NT5DC3: variants seen among roughly 807,000 people sequenced by gnomAD.
NT5DC3 encodes the protein 5'-nucleotidase domain containing 3.
Under a neutral mutation model 67.8 loss-of-function variants are expected in NT5DC3, and 42 were observed. The observed-to-expected ratio is 0.62, with a 90% confidence interval of 0.48 to 0.80. The LOEUF (loss-of-function observed/expected upper bound fraction) is 0.80. Among genes scored for constraint, NT5DC3 ranks in the 30% least tolerant of loss-of-function variants. NT5DC3 has a pLI of 0.00. For missense variants in NT5DC3, 570 were observed against 696.4 expected (o/e 0.82, Z 2.04); for synonymous variants, 237 against 255.6 (o/e 0.93, Z 0.69).
chr12:103,763,601 C>T, the NT5DC3 span: 5 of 1,613,518 alleles, frequency 3.1e-6, no homozygotes, highest in South Asian at 1.1e-5. Flanking sequence ...TCCTACGACC[C>T]CTTCACGGTG....
chr12:103,765,511 A>G (rs1884876747), downstream of NT5DC3, among the ~76,000 whole-genome samples: 1 of 152,220 alleles, frequency 6.6e-6, no homozygotes, highest in South Asian at 2.1e-4. Context: ...TAATTGACAA[A>G]GCCTGGGTGC....
intron 1 of NT5DC3, among the ~76,000 whole-genome samples, chr12:103,824,960 G>A (rs11111801): frequency 0.18 from 27,720 of 152,064 alleles, 2,728 homozygotes; most frequent in Non-Finnish European, 0.22. Flanking sequence ...GTGCCAGACA[G>A]TGCACAGGGC....
At chr12:103,831,628 T>C (rs1387510477) in intron 1 of NT5DC3, among the ~76,000 whole-genome samples, 1 of 152,100 alleles carries the variant, frequency 6.6e-6, no homozygotes, top group Non-Finnish European at 1.5e-5. Context: ...CACCAGGTTT[T>C]ATAGGAGAGT....
intron 9 of NT5DC3, among the ~76,000 whole-genome samples, chr12:103,792,095 T>C (rs1004995929): frequency 5.9e-5 from 9 of 152,214 alleles, no homozygotes; most frequent in African/African-American, 1.9e-4. Flanking sequence ...AGCCCCATCA[T>C]GGGACGGTTT....
Position 103,778,009 on chromosome 12 carries a change from G to A in NT5DC3, c.1467C>T (p.Phe489=). The change falls in exon 14 of 14, where the codon TTC becomes TTT. Residue 489 remains phenylalanine (F), a synonymous_variant. Coordinates refer to ENST00000392876, the MANE Select transcript of NT5DC3 (RefSeq NM_001031701.3). ...CAGCGAAGCGCGACAGGCGCCTTAG[G>A]AAGTAGGTTGGGTTCTGGTCTGTGC... The part of the protein sequence containing the change: ...LFRTDQNPTY[F]LRRLSRFADI... 6.2e-7 allele frequency: 1 copy of A among 1,614,260 alleles called. No homozygotes were observed. The highest frequency in any genetic ancestry group is 1.3e-5 in the African/African-American group (1 of 75,074).
intron 1 of NT5DC3, among the ~76,000 whole-genome samples, chr12:103,840,423 T>C (rs7958255): frequency 2.5e-3 from 155 of 62,250 alleles, no homozygotes; most frequent in South Asian, 3.2e-3. Context: ...CTCATCTCAT[T>C]CCATCCCATT....
rs3036176 is a variant in NT5DC3 at position 103,786,681 on chromosome 12, A to ATTTTTTTTTTTTTTTTTTTT, written c.1188+759_1188+760insAAAAAAAAAAAAAAAAAAAA. Among the ~76,000 whole-genome samples, 3 of 132,366 alleles carry ATTTTTTTTTTTTTTTTTTTT rather than the reference A, an allele frequency of 2.3e-5. 1 individual carries two copies. The highest frequency in any genetic ancestry group is 3.2e-5 in the Non-Finnish European group (2 of 63,134). 86.8% of individuals were successfully genotyped at this position (132,366 alleles called of 152,430 possible). On this transcript the variant is annotated intron_variant, in intron 11 of 13. Transcript: ENST00000392876. The stretch of plus-strand genomic sequence containing the variant: ...GATGCCCACCTTCCTCACTGGTTTG[A>ATTTTTTTTTTTTTTTTTTTT]TTTTTTTTTTTTTTTTTTTGAGGCA...
At chr12:103,818,829 C>T (rs114768473) in intron 1 of NT5DC3, among the ~76,000 whole-genome samples, 169 of 152,228 alleles carry the variant, frequency 1.1e-3, no homozygotes, top group African/African-American at 4.0e-3. Flanking sequence ...ACTGAAGATC[C>T]TCTGGCCTTA....
chr12:103,832,630 G>A (rs779294123), intron 1 of NT5DC3, among the ~76,000 whole-genome samples: 30 of 152,012 alleles, frequency 2.0e-4, no homozygotes, highest in Admixed American at 1.2e-3. Context: ...CCACCTCCAC[G>A]GCAATTACAG....
At chr12:103,807,980 C>T (rs972338826) in intron 2 of NT5DC3, among the ~76,000 whole-genome samples, 2 of 152,194 alleles carry the variant, frequency 1.3e-5, no homozygotes, top group African/African-American at 4.8e-5. Context: ...TTATCAGCAG[C>T]ATGAAAACGA....
intron 4 of NT5DC3, among the ~76,000 whole-genome samples, chr12:103,803,217 C>T (rs1886657645): frequency 6.6e-6 from 1 of 151,566 alleles, no homozygotes; most frequent in Non-Finnish European, 1.5e-5. Flanking sequence ...CAAATGAATG[C>T]TCATTTAAGA....
chr12:103,796,790 A>C (rs1354007002), intron 6 of NT5DC3, 104 bp downstream of exon 6: 1 of 1,144,128 alleles, frequency 8.7e-7, no homozygotes, highest in Non-Finnish European at 1.3e-6. Flanking sequence ...CAGCTAAGAG[A>C]CTATTTAAAA....
intron 2 of NT5DC3, among the ~76,000 whole-genome samples, chr12:103,812,631 C>A (rs1887084287): frequency 6.6e-6 from 1 of 151,914 alleles, no homozygotes. Flanking sequence ...TGTTAGTAAC[C>A]CCATAAGAGA....
chr12:103,801,676 C>T (rs1480807057), intron 4 of NT5DC3, among the ~76,000 whole-genome samples: 1 of 152,124 alleles, frequency 6.6e-6, no homozygotes, highest in African/African-American at 2.4e-5. Context: ...CCACAGTGCC[C>T]AGACAGGCTG....
intron 1 of NT5DC3, among the ~76,000 whole-genome samples, chr12:103,829,788 T>G (rs1208437681): frequency 6.6e-6 from 1 of 152,196 alleles, no homozygotes; most frequent in Non-Finnish European, 1.5e-5. Context: ...CACTTCCATC[T>G]AAGACCTTTG....
chr12:103,753,348 CAGA>C, the NT5DC3 span: 2 of 1,614,248 alleles, frequency 1.2e-6, no homozygotes, highest in Non-Finnish European at 1.7e-6. Flanking sequence ...CTCCTATGCC[CAGA>C]AGGTGGGTCT....
chr12:103,810,037 C>T (rs535045909), intron 2 of NT5DC3, among the ~76,000 whole-genome samples: 124 of 149,086 alleles, frequency 8.3e-4, no homozygotes, highest in African/African-American at 2.8e-3. Context: ...CCCAAAAATG[C>T]GTGTGGCAAG....
chr12:103,831,870 G>A (rs1038601961), intron 1 of NT5DC3, among the ~76,000 whole-genome samples: 4 of 150,910 alleles, frequency 2.7e-5, no homozygotes, highest in African/African-American at 9.8e-5. Context: ...TCACTTCCCG[G>A]GTTCAAGCCA....
chr12:103,749,099 T>C, the NT5DC3 span: 1 of 1,613,882 alleles, frequency 6.2e-7, no homozygotes, highest in Non-Finnish European at 8.5e-7. Context: ...TAGACCCCTG[T>C]GCAGACGGCC....
Sources: gnomAD v4.1 joint callset for allele counts (sites outside exome capture counted in the v4.1 genomes callset) on GRCh38, gnomAD v4.1.1 for gene constraint, MANE v1.5 for transcripts, NCBI Gene and HGNC (gene_info 2026-07-23, HGNC 2026-07-21) for gene names.